Variants in FAM90A1 observed in about 807,000 individuals in gnomAD.
The protein encoded by FAM90A1 is family with sequence similarity 90 member A1, also known as protein FAM90A1.
FAM90A1 carries 10 observed loss-of-function variants against 14.8 expected under a neutral mutation model. The ratio of observed to expected loss-of-function variants is 0.67; its 90% CI spans 0.42 to 1.14. The LOEUF (loss-of-function observed/expected upper bound fraction) is 1.14, where lower values mean the gene tolerates loss of function less well. Among genes scored for constraint, FAM90A1 ranks in the 50% most tolerant of loss-of-function variants. The probability of loss-of-function intolerance (pLI) is 0.00; values close to 1 mark genes in which losing one functional copy is unlikely to be tolerated. For synonymous variants in FAM90A1, 236 were observed against 248.4 expected, an observed-to-expected ratio of 0.95 and a Z score of 0.47; for missense variants, 567 against 602.8, an observed-to-expected ratio of 0.94 and a Z score of 0.62.
At position 8,221,513 on chromosome 12, in the gene FAM90A1, G is replaced by T. The variant is rs1337438681; in HGVS notation, c.*309C>A. On this transcript the variant is annotated 3_prime_UTR_variant, in exon 7 of 7. Transcript: ENST00000538603. ...AGTAATTCCCCCGTTTCCTATTGAC[G>T]TCCCAGCGGAAGTCTGACTCCTGCG... The T allele has an allele frequency of 6.3e-6, 3 of 472,934 alleles. No homozygotes were observed. The highest frequency in any genetic ancestry group is 3.4e-5 in the Admixed American group (1 of 29,836). 29.3% of individuals were successfully genotyped at this position (472,934 alleles called of 1,614,324 possible).
Position 8,227,608 on chromosome 12 carries a change from T to C in FAM90A1, c.-549A>G. The C allele has an allele frequency of 2.6e-6, 4 of 1,559,426 alleles. No individual in the cohort carries two copies. The highest frequency in any genetic ancestry group is 2.3e-5 in the East Asian group (1 of 43,446). On this transcript the variant is annotated 5_prime_UTR_variant, in exon 1 of 7. Coordinates refer to ENST00000538603, the MANE Select transcript of FAM90A1 (RefSeq NM_018088.3). ...CTTCTGGAAGGGCCCGGATGGGGCC[T>C]GACTGGAGCTGCCGAGGGGTGGAGC...
At chr12:8,223,920 C>T (rs1441946375) in intron 5 of FAM90A1, 96 bp downstream of exon 5, 1 of 1,241,642 alleles carries the variant, frequency 8.1e-7, no homozygotes, top group African/African-American at 1.5e-5. Flanking sequence ...CTTCCCTGGC[C>T]CGGAGACGGA....
In FAM90A1 at chr12:8,222,524, G is replaced by T. The variant is rs1314718917; in HGVS notation, c.693C>A (p.Ser231Arg). ...CTTCTCGACAGCCACCCGCAGGGCT[G>T]CTGTGTGTCGGCTTCACCACGAGGA... ...EPLLVVKPTH[S>R]SPAGGCREVP... Residue 231 changes from serine to arginine, a missense_variant, in exon 7 of 7, where the codon AGC becomes AGA. By Grantham distance (110) the Ser-to-Arg change is moderately radical. Transcript: ENST00000538603. The T allele has an allele frequency of 1.2e-6, 2 of 1,611,932 alleles. No homozygotes were observed. Among genetic ancestry groups the T allele is most frequent in the Non-Finnish European group, 8.5e-7 (1 of 1,179,778 alleles).
chr12:8,222,993 T>C (rs1295200850), intron 6 of FAM90A1, among the ~76,000 whole-genome samples: 1 of 152,224 alleles, frequency 6.6e-6, no homozygotes, highest in African/African-American at 2.4e-5. Context: ...GTGTAGCTGA[T>C]CTAAGCACAC....
In FAM90A1 at chr12:8,224,352, A is replaced by C. The variant is rs879173394; in HGVS notation, c.124-137T>G. ...GGGGACACCGGCATGGGGGCCGTTA[A>C]GTGCTGGGAGAGTTCGGATACGATG... On this transcript the variant is annotated intron_variant, in intron 4 of 6. Transcript: ENST00000538603. 12 of 804,670 alleles carry C rather than the reference A, an allele frequency of 1.5e-5. No homozygotes were observed. In the South Asian group the frequency reaches 1.7e-4, roughly 12 times the overall value. The allele number at this position is 804,670 out of a possible 1,614,324, so 49.8% of individuals were successfully genotyped here. A position where few individuals can be genotyped will look rare whatever the true frequency, so the allele number is the denominator to read the frequency against.
At position 8,223,473 on chromosome 12, in the gene FAM90A1, G is replaced by A. The variant is rs141678042; in HGVS notation, c.408C>T (p.Ser136=). 1.4e-4 allele frequency: 221 copies of A among 1,608,322 alleles called. No individual in the cohort carries two copies. Among genetic ancestry groups the A allele is most frequent in the Admixed American group, 3.3e-5 (2 of 60,006 alleles). The change falls in exon 6 of 7, where the codon TCC becomes TCT. Residue 136 remains serine (S), a synonymous_variant. Transcript: ENST00000538603. ...PEKPLPNQKG[S]TESSDYLRVA... is the part of the protein sequence containing the mutation. ...CCCTCAGATAATCAGAAGATTCCGT[G>A]GATCCTTTTTGATTTGGCAGCGGCT...
Position 8,221,875 on chromosome 12 carries a change from C to T in FAM90A1, c.1342G>A (p.Glu448Lys). ...CVRVPPSVLY[E>K]DLQVPSSSED... Reference sequence around the variant, plus strand: ...GAGGAGGAGGGAACCTGAAGGTCCTCATAGAGGACGCTTGGTGGGACACGA... The same window carrying T: ...GAGGAGGAGGGAACCTGAAGGTCCTTATAGAGGACGCTTGGTGGGACACGA... Residue 448 changes from glutamate (E) to lysine (K), a missense_variant, in exon 7 of 7, where the codon GAG (glutamate) becomes AAG (lysine). Glu to Lys is a moderately conservative substitution (Grantham distance 56). Coordinates refer to ENST00000538603, the MANE Select transcript of FAM90A1 (RefSeq NM_018088.3). The T allele has an allele frequency of 6.3e-7, 1 of 1,596,468 alleles. No individual in the cohort carries two copies. The highest frequency in any genetic ancestry group is 8.5e-7 in the Non-Finnish European group (1 of 1,179,756).
chr12:8,221,588 G>C lies in FAM90A1; in HGVS notation c.*234C>G. ...AATCACTGGCACGGAAGCTTTTCCT[G>C]GCGCGTTTCCAGAGAACCATGCGAA... On this transcript the variant is annotated 3_prime_UTR_variant, in exon 7 of 7. Coordinates refer to ENST00000538603, the MANE Select transcript of FAM90A1 (RefSeq NM_018088.3). 1 of 591,462 alleles carries C rather than the reference G, an allele frequency of 1.7e-6. No homozygotes were observed. Among genetic ancestry groups the C allele is most frequent in the East Asian group, 3.0e-5 (1 of 33,874 alleles). The allele number at this position is 591,462 out of a possible 1,614,324, so 36.6% of individuals were successfully genotyped here.
chr12:8,223,100 A>C (rs1431232137), intron 6 of FAM90A1, among the ~76,000 whole-genome samples: 1 of 152,254 alleles, frequency 6.6e-6, no homozygotes, highest in East Asian at 1.9e-4. Context: ...TTCCGAAGGC[A>C]GGTTGGTGGC....
chr12:8,222,528 T>A lies in FAM90A1; in HGVS notation c.689A>T (p.His230Leu), dbSNP rs757512056. 6.2e-7 allele frequency: 1 copy of A among 1,611,942 alleles called. No homozygotes were observed. The highest frequency in any genetic ancestry group is 1.1e-5 in the South Asian group (1 of 90,982). ...TCGACAGCCACCCGCAGGGCTGCTG[T>A]GTGTCGGCTTCACCACGAGGAGAGG... ...PEPLLVVKPT[H>L]SSPAGGCREV... Residue 230 changes from histidine (H) to leucine (L), a missense_variant, in exon 7 of 7, where the codon CAC becomes CTC. Coordinates refer to ENST00000538603, the MANE Select transcript of FAM90A1 (RefSeq NM_018088.3).
chr12:8,223,682 C>G, intron 5 of FAM90A1, 125 bp from the exon 6 acceptor site: 1 of 711,690 alleles, frequency 1.4e-6, no homozygotes, highest in Non-Finnish European at 2.6e-6. Flanking sequence ...GTGCCCTTTC[C>G]GCCTCTGCAC....
At chr12:8,226,027 A>C (rs754738573) in intron 2 of FAM90A1, 35 bp from the exon 3 acceptor site, 27 of 152,138 alleles carry the variant, frequency 1.8e-4, no homozygotes, top group African/African-American at 4.1e-4. Context: ...AATCAGTTAC[A>C]TGTAGGTTAA....
intron 3 of FAM90A1, among the ~76,000 whole-genome samples, chr12:8,225,234 C>T (rs7964622): frequency 4.6e-5 from 7 of 151,832 alleles, no homozygotes; most frequent in African/African-American, 9.7e-5. Context: ...CTCCCTTGAC[C>T]GACAGAATGA....
chr12:8,222,891 A>G, intron 6 of FAM90A1, 107 bp from the exon 7 acceptor site: 2 of 1,277,788 alleles, frequency 1.6e-6, no homozygotes, highest in Non-Finnish European at 2.2e-6. Context: ...TTCTTAGTAC[A>G]CTATCGACAG....
rs368015792 is a variant in FAM90A1 at position 8,224,762 on chromosome 12, C to T, written c.71G>A (p.Arg24Gln). The change falls in exon 4 of 7, where the codon CGG (arginine) becomes CAG (glutamine). Residue 24 changes from arginine (R) to glutamine (Q), a missense_variant. Transcript: ENST00000538603. ...LVRAQTLQKQ[R>Q]RAPVGPRAPP... ...AGCCCTTGGCCCAACTGGGGCCCTC[C>T]GCTGCTTCTGGAGGGTCTGGGCTCT... The T allele has an allele frequency of 1.7e-4, 273 of 1,602,936 alleles. No homozygotes were observed. The highest frequency in any genetic ancestry group is 7.3e-4 in the South Asian group (66 of 90,600).
In FAM90A1 at chr12:8,222,064, T is replaced by C. The variant is rs781358874; in HGVS notation, c.1153A>G (p.Ser385Gly). Residue 385 changes from serine (S) to glycine (G), a missense_variant, in exon 7 of 7, where the codon AGC becomes GGC. Ser to Gly is a moderately conservative substitution (Grantham distance 56, BLOSUM62 0). Transcript: ENST00000538603. ...ACTMSHHPAA[S>G]HDGAQPLRVL... The stretch of plus-strand genomic sequence containing the variant: ...CTGAGAGGCTGGGCCCCATCATGGC[T>C]GGCCGCTGGGTGATGGGACATGGTG... 2.5e-5 allele frequency: 40 copies of C among 1,606,738 alleles called. No individual in the cohort carries two copies. Among genetic ancestry groups the C allele is most frequent in the Admixed American group, 3.3e-5 (2 of 60,014 alleles).
chr12:8,226,850 G>C (rs1948956042), intron 1 of FAM90A1, among the ~76,000 whole-genome samples: 1 of 129,614 alleles, frequency 7.7e-6, no homozygotes, highest in East Asian at 2.2e-4. Context: ...CTGTCGCCCA[G>C]GCTGGGGTGC....
intron 2 of FAM90A1, 23 bp downstream of exon 2, chr12:8,226,249 A>T (rs1003794091): frequency 8.5e-5 from 13 of 152,348 alleles, no homozygotes; most frequent in African/African-American, 2.6e-4. Flanking sequence ...GTTTTGTTTT[A>T]AAAAATGTGG....
intron 3 of FAM90A1, 96 bp from the exon 4 acceptor site, chr12:8,224,984 T>G: frequency 1.1e-6 from 1 of 916,768 alleles, no homozygotes; most frequent in South Asian, 1.5e-5. Flanking sequence ...GCCGGTGTGG[T>G]CATGAGGAGA....
Sources: allele counts gnomAD v4.1 joint callset (sites outside exome capture counted in the v4.1 genomes callset), GRCh38; gene constraint gnomAD v4.1.1; transcripts MANE v1.5; gene names NCBI Gene and HGNC (gene_info 2026-07-23, HGNC 2026-07-21).